Variants in PHKB observed in about 807,000 individuals in gnomAD.
PHKB encodes phosphorylase kinase regulatory subunit beta, also known as phosphorylase b kinase regulatory subunit beta.
A neutral mutation model predicts 152.1 loss-of-function variants in PHKB; 122 were observed. That is an observed-to-expected ratio of 0.80 (90% CI 0.69 to 0.93). PHKB has a LOEUF of 0.93. Ranked by LOEUF, PHKB falls within the 40% of genes least tolerant of loss-of-function variation. The pLI, the probability that PHKB is intolerant of heterozygous loss-of-function variation, is 0.00. For missense variants in PHKB, 1,304 were observed against 1,328.4 expected (o/e 0.98, Z 0.29); for synonymous variants, 436 against 464.9 (o/e 0.94, Z 0.80).
At chr16:47,462,731 C>CTTTTTTTTTTTTTTTTTTTTTT in intron 1 of PHKB, 1 of 124,630 alleles carries the variant, frequency 8.0e-6, no homozygotes, top group African/African-American at 2.9e-5. Flanking sequence ...TGCACACTGA[C>CTTTTTTTTTTTTTTTTTTTTTT]TTTTTTTTTT....
intron 14 of PHKB, among the ~76,000 whole-genome samples, chr16:47,627,759 C>G (rs1455064460): frequency 6.6e-6 from 1 of 152,174 alleles, no homozygotes; most frequent in Non-Finnish European, 1.5e-5. Flanking sequence ...CCTCTGCTTT[C>G]CTATTAATTT....
chr16:47,656,200 G>A (rs1172615652), intron 20 of PHKB, among the ~76,000 whole-genome samples: 1 of 151,982 alleles, frequency 6.6e-6, no homozygotes, highest in Non-Finnish European at 1.5e-5. Context: ...TGTATTTTTA[G>A]TAGAGATGGG....
chr16:47,635,605 C>A (rs1972904939), intron 14 of PHKB, among the ~76,000 whole-genome samples: 1 of 152,186 alleles, frequency 6.6e-6, no homozygotes. Flanking sequence ...CCACAGTAAT[C>A]TAAGGCACCT....
At chr16:47,474,623 C>CT (rs1241158862) in intron 1 of PHKB, among the ~76,000 whole-genome samples, 3 of 151,984 alleles carry the variant, frequency 2.0e-5, no homozygotes, top group Admixed American at 2.0e-4. Context: ...GTTGCATTAA[C>CT]TTTGTCGGCT....
chr16:47,698,471 A>T lies in PHKB; in HGVS notation c.3027A>T (p.Val1009=). Residue 1009 remains valine, a synonymous_variant, in exon 30 of 31, where the codon GTA becomes GTT. Coordinates refer to ENST00000323584, the MANE Select transcript of PHKB (RefSeq NM_000293.3). ...VVELLMVVSI[V]LERNPELEFQ... is the part of the protein sequence containing the mutation. ...AGTTACTTATGGTTGTATCCATTGT[A>T]CTGGAAAGAAACCCCGAGCTAGAAT... 1 of 1,610,914 alleles carries T rather than the reference A, an allele frequency of 6.2e-7. No individual in the cohort carries two copies. Among genetic ancestry groups the T allele is most frequent in the Non-Finnish European group, 8.5e-7 (1 of 1,177,146 alleles).
intron 28 of PHKB, among the ~76,000 whole-genome samples, chr16:47,694,084 T>C (rs1974108196): frequency 1.3e-5 from 2 of 152,174 alleles, no homozygotes; most frequent in Non-Finnish European, 2.9e-5. Context: ...TTAGGAATTG[T>C]GTTGAATGTG....
At chr16:47,599,037 A>C (rs1021260266) in intron 13 of PHKB, 2 of 677,516 alleles carry the variant, frequency 3.0e-6, no homozygotes, top group South Asian at 1.9e-5. Flanking sequence ...CACATGAAAT[A>C]GTTTTCTTAG....
intron 13 of PHKB, among the ~76,000 whole-genome samples, chr16:47,610,119 A>G (rs1176197433): frequency 1.4e-5 from 2 of 147,672 alleles, no homozygotes; most frequent in African/African-American, 5.0e-5. Context: ...CAGCCTCCTG[A>G]GTAGCTGGGA....
At chr16:47,498,420 G>C (rs952465652) in intron 2 of PHKB, among the ~76,000 whole-genome samples, 1 of 152,174 alleles carries the variant, frequency 6.6e-6, no homozygotes, top group Non-Finnish European at 1.5e-5. Flanking sequence ...GCTCACGCCT[G>C]TAATCCCAGC....
intron 14 of PHKB, among the ~76,000 whole-genome samples, chr16:47,615,630 C>G (rs1340041181): frequency 6.6e-6 from 1 of 152,188 alleles, no homozygotes; most frequent in South Asian, 2.1e-4. Context: ...TGTGTAGTCT[C>G]AAGAGTCTCA....
At chr16:47,490,053 A>G (rs1297424322) in intron 1 of PHKB, among the ~76,000 whole-genome samples, 1 of 152,082 alleles carries the variant, frequency 6.6e-6, no homozygotes, top group Non-Finnish European at 1.5e-5. Flanking sequence ...GAAAAACAAA[A>G]CAAGGATCAG....
chr16:47,636,569 G>A (rs546028132), intron 14 of PHKB, among the ~76,000 whole-genome samples: 6 of 152,336 alleles, frequency 3.9e-5, no homozygotes, highest in East Asian at 1.9e-4. Flanking sequence ...GCAGCAGTAC[G>A]GAACAAAGTT....
intron 1 of PHKB, among the ~76,000 whole-genome samples, chr16:47,477,298 A>C (rs1314401109): frequency 6.6e-6 from 1 of 152,138 alleles, no homozygotes; most frequent in Non-Finnish European, 1.5e-5. Context: ...GGTCATGGAC[A>C]AGATTTGTTG....
Position 47,500,950 on chromosome 16 carries a change from A to T in PHKB, c.305+1056A>T, listed in dbSNP as rs533492086. On this transcript the variant is annotated intron_variant, in intron 3 of 30. Transcript: ENST00000323584. Reference sequence around the variant, plus strand: ...TGAAATTACTGATGTGTTGGATTTTAAAAAGAAAATCAAACACTGAGATAA... The same window carrying T: ...TGAAATTACTGATGTGTTGGATTTTTAAAAGAAAATCAAACACTGAGATAA... 1.1e-4 allele frequency among the ~76,000 whole-genome samples: 16 copies of T among 152,356 alleles called. No individual in the cohort carries two copies. In the East Asian group the frequency reaches 2.9e-3, roughly 28 times the overall value.
At chr16:47,559,115 G>A (rs1971432965) in intron 7 of PHKB, among the ~76,000 whole-genome samples, 1 of 152,128 alleles carries the variant, frequency 6.6e-6, no homozygotes, top group Admixed American at 6.6e-5. Context: ...ATGCATTGGG[G>A]CCTAAGGGAG....
intron 26 of PHKB, among the ~76,000 whole-genome samples, chr16:47,673,001 G>A (rs1379025326): frequency 1.3e-5 from 2 of 152,012 alleles, no homozygotes; most frequent in African/African-American, 2.4e-5. Flanking sequence ...TGGAATTGTG[G>A]CATTATATTC....
intron 26 of PHKB, among the ~76,000 whole-genome samples, chr16:47,673,168 A>G (rs1286038834): frequency 6.6e-6 from 1 of 151,372 alleles, no homozygotes; most frequent in Admixed American, 6.6e-5. Context: ...TATTTAAGAA[A>G]TTTCCTTCTG....
At chr16:47,510,784 A>G (rs943749997) in intron 4 of PHKB, among the ~76,000 whole-genome samples, 5 of 152,232 alleles carry the variant, frequency 3.3e-5, no homozygotes, top group African/African-American at 1.2e-4. Context: ...GAATTGAAAC[A>G]AAGCAAGAAT....
chr16:47,514,030 G>GC (rs1970554166), intron 5 of PHKB, among the ~76,000 whole-genome samples: 1 of 152,102 alleles, frequency 6.6e-6, no homozygotes, highest in South Asian at 2.1e-4. Context: ...ATTCTCCAAA[G>GC]CCCCCCAGCT....
Sources: gnomAD v4.1 joint callset for allele counts (sites outside exome capture counted in the v4.1 genomes callset) on GRCh38, gnomAD v4.1.1 for gene constraint, MANE v1.5 for transcripts, NCBI Gene and HGNC (gene_info 2026-07-23, HGNC 2026-07-21) for gene names.